FOXP2: variants seen among roughly 807,000 people sequenced by gnomAD.
FOXP2 encodes forkhead box protein P2.
A neutral mutation model predicts 115.8 loss-of-function variants in FOXP2; 12 were observed. The ratio of observed to expected loss-of-function variants is 0.10; its 90% CI spans 0.07 to 0.17. FOXP2 has a LOEUF of 0.17. Ranked by LOEUF, FOXP2 falls within the 10% of genes least tolerant of loss-of-function variation. The pLI is 1.00. For synonymous variants in FOXP2, 328 were observed against 297.7 expected, an observed-to-expected ratio of 1.10 and a Z score of -1.05; for missense variants, 629 against 843.5, an observed-to-expected ratio of 0.75 and a Z score of 3.15.
intron 1 of FOXP2, among the ~76,000 whole-genome samples, chr7:114,244,783 A>G (rs1342375483): frequency 6.7e-6 from 1 of 149,968 alleles, no homozygotes; most frequent in Non-Finnish European, 1.5e-5. Context: ...TTTTTTTGAG[A>G]CGGAGTCTCG....
intron 1 of FOXP2, among the ~76,000 whole-genome samples, chr7:114,264,277 G>GT (rs1006371123): frequency 3.3e-5 from 5 of 152,262 alleles, no homozygotes; most frequent in African/African-American, 9.6e-5. Context: ...GTTGAATACA[G>GT]TAAGTACAGA....
intron 3 of FOXP2, among the ~76,000 whole-genome samples, chr7:114,539,279 AATG>A (rs1228808037): frequency 6.6e-6 from 1 of 151,902 alleles, no homozygotes; most frequent in African/African-American, 2.4e-5. Flanking sequence ...TATTTTAGGA[AATG>A]ATAACATTTT....
In FOXP2 at chr7:114,542,589, G is replaced by A. The variant is rs568909916; in HGVS notation, c.258+7883G>A. On this transcript the variant is annotated intron_variant, in intron 3 of 16. Coordinates refer to ENST00000350908, the MANE Select transcript of FOXP2 (RefSeq NM_014491.4). ...TGGCTTCATTGTTCCTTAATCTTTT[G>A]GTCTGCTTTTTCAGAAAATCTATTA... Among the ~76,000 whole-genome samples the A allele has an allele frequency of 1.4e-4, 21 of 151,714 alleles. No individual in the cohort carries two copies. The Middle Eastern group carries it at 0.014, about 98-fold the overall frequency.
At chr7:114,569,802 T>C (rs1801200985) in intron 3 of FOXP2, among the ~76,000 whole-genome samples, 1 of 151,928 alleles carries the variant, frequency 6.6e-6, no homozygotes, top group South Asian at 2.1e-4. Flanking sequence ...ATACAATCCA[T>C]TTCTTAAACA....
chr7:114,616,389 C>G lies in FOXP2; in HGVS notation c.259-12151C>G, dbSNP rs1379460966. The stretch of plus-strand genomic sequence containing the variant: ...CGTTGGCCAAGCTGGTCTCGAACTC[C>G]TGACCTCAGGTGTTCTGGCTGCCTC... On this transcript the variant is annotated intron_variant, in intron 3 of 16. Coordinates refer to ENST00000350908, the MANE Select transcript of FOXP2 (RefSeq NM_014491.4). Among the ~76,000 whole-genome samples the G allele has an allele frequency of 3.9e-5, 6 of 152,290 alleles. No individual in the cohort carries two copies. The East Asian group carries it at 1.2e-3, about 29-fold the overall frequency.
At chr7:114,367,692 A>G (rs574556537) in intron 2 of FOXP2, among the ~76,000 whole-genome samples, 1 of 152,224 alleles carries the variant, frequency 6.6e-6, no homozygotes, top group South Asian at 2.1e-4. Context: ...GTTCTCATCT[A>G]CTGTTCCCTG....
intron 3 of FOXP2, among the ~76,000 whole-genome samples, chr7:114,627,137 G>C (rs947149057): frequency 1.4e-5 from 2 of 147,188 alleles, no homozygotes; most frequent in Non-Finnish European, 3.0e-5. Context: ...ATCCACCCTG[G>C]ATTTCTTTTT....
chr7:114,481,907 T>A (rs1796564181), intron 2 of FOXP2, among the ~76,000 whole-genome samples: 1 of 151,162 alleles, frequency 6.6e-6, no homozygotes, highest in South Asian at 2.1e-4. Context: ...TCTGAGACAT[T>A]TTCTGTTGAC....
intron 3 of FOXP2, among the ~76,000 whole-genome samples, chr7:114,582,557 A>G (rs1047702586): frequency 3.9e-5 from 6 of 152,218 alleles, no homozygotes; most frequent in Non-Finnish European, 7.3e-5. Context: ...CTATTTTCTC[A>G]TAAAAGATTG....
At position 114,433,599 on chromosome 7, in the gene FOXP2, A is replaced by T. The variant is rs566520567; in HGVS notation, c.168+6920A>T. Among the ~76,000 whole-genome samples, 4 of 152,106 alleles carry T rather than the reference A, an allele frequency of 2.6e-5. No individual in the cohort carries two copies. In the South Asian group the frequency reaches 6.2e-4, roughly 24 times the overall value. On this transcript the variant is annotated intron_variant, in intron 2 of 16. Transcript: ENST00000350908. Reference sequence around the variant, plus strand: ...ATTTATCGTAGTCTTGGAAAATGTTATGAAGATGCAAGTGTACTTATTCTC... The same window carrying T: ...ATTTATCGTAGTCTTGGAAAATGTTTTGAAGATGCAAGTGTACTTATTCTC...
intron 2 of FOXP2, among the ~76,000 whole-genome samples, chr7:114,354,157 T>A (rs986322965): frequency 1.3e-5 from 2 of 152,156 alleles, no homozygotes; most frequent in African/African-American, 4.8e-5. Flanking sequence ...GACATCTATC[T>A]TCTCCTTCCC....
At chr7:114,097,472 C>T (rs974775124) in intron 1 of FOXP2, among the ~76,000 whole-genome samples, 1 of 152,172 alleles carries the variant, frequency 6.6e-6, no homozygotes, top group Non-Finnish European at 1.5e-5. Context: ...TTTGCCCTTG[C>T]AAGTATATAG....
chr7:114,376,859 C>T (rs1268575530), intron 2 of FOXP2, among the ~76,000 whole-genome samples: 1 of 152,128 alleles, frequency 6.6e-6, no homozygotes, highest in African/African-American at 2.4e-5. Context: ...GAGAAAGGAG[C>T]TGGAAGAGGT....
chr7:114,204,494 G>A lies in FOXP2; in HGVS notation c.-102+41406G>A, dbSNP rs537720500. Reference sequence around the variant, plus strand: ...TAACTCACAGCTCTGCATCTTATTCGCTAAATGATTTTTGGTAAGTTATTT... The same window carrying A: ...TAACTCACAGCTCTGCATCTTATTCACTAAATGATTTTTGGTAAGTTATTT... On this transcript the variant is annotated intron_variant, in intron 1 of 17. Coordinates refer to the FOXP2 transcript ENST00000634411. Among the ~76,000 whole-genome samples, 4 of 152,142 alleles carry A rather than the reference G, an allele frequency of 2.6e-5. No individual in the cohort carries two copies. In the East Asian group the frequency reaches 5.8e-4, roughly 22 times the overall value.
intron 6 of FOXP2, among the ~76,000 whole-genome samples, chr7:114,634,144 C>T (rs1250245591): frequency 6.6e-6 from 1 of 151,964 alleles, no homozygotes; most frequent in Non-Finnish European, 1.5e-5. Context: ...TACAGGTGCC[C>T]ACCACCACGC....
At chr7:114,433,088 A>G (rs542936296) in intron 2 of FOXP2, among the ~76,000 whole-genome samples, 46 of 151,996 alleles carry the variant, frequency 3.0e-4, no homozygotes, top group South Asian at 8.3e-4. Context: ...TTCATGCCTG[A>G]TCTGCTTTGT....
intron 1 of FOXP2, among the ~76,000 whole-genome samples, chr7:114,219,960 G>A (rs926038048): frequency 6.6e-6 from 1 of 151,788 alleles, no homozygotes; most frequent in Non-Finnish European, 1.5e-5. Context: ...TCCGCCTCCC[G>A]GGTTCAAGAG....
intron 2 of FOXP2, among the ~76,000 whole-genome samples, chr7:114,506,301 TG>T (rs1004862168): frequency 5.3e-5 from 8 of 151,712 alleles, no homozygotes; most frequent in Admixed American, 6.6e-5. Flanking sequence ...CTTTTTTGTT[TG>T]TTTGTCTTAT....
rs10247892 is a variant in FOXP2 at position 114,453,285 on chromosome 7, C to T, written c.168+26606C>T. ...TGAAGAGATGGGAGAACCAGGGTCC[C>T]TTACGTTAGAAACAGGAATTAGGTT... is the stretch of plus-strand genomic sequence containing the variant. On this transcript the variant is annotated intron_variant, in intron 2 of 16. Coordinates refer to ENST00000350908, the MANE Select transcript of FOXP2 (RefSeq NM_014491.4). 4.1e-3 allele frequency among the ~76,000 whole-genome samples: 620 copies of T among 152,170 alleles called. 6 individuals carry two copies. The highest frequency in any genetic ancestry group is 0.014 in the African/African-American group (574 of 41,524).
Sources: allele counts gnomAD v4.1 joint callset (sites outside exome capture counted in the v4.1 genomes callset), GRCh38; gene constraint gnomAD v4.1.1; transcripts MANE v1.5; gene names NCBI Gene and HGNC (gene_info 2026-07-23, HGNC 2026-07-21).